Variants in CSMD1 observed in about 807,000 individuals in gnomAD.
CSMD1 encodes the protein CUB and sushi domain-containing protein 1.
In CSMD1, 213 loss-of-function variants were observed where a neutral mutation model predicts 417.5. The ratio of observed to expected loss-of-function variants is 0.51; its 90% CI spans 0.46 to 0.57. The LOEUF is 0.57. CSMD1 is among the 20% of genes least tolerant of loss of function. CSMD1 has a pLI of 0.00. For synonymous variants in CSMD1, 2,862 were observed against 1,736.8 expected, an observed-to-expected ratio of 1.65 and a Z score of -16.11; for missense variants, 6,923 against 4,529.7, an observed-to-expected ratio of 1.53 and a Z score of -15.17.
chr8:4,299,997 G>C (rs1318133384), intron 3 of CSMD1, among the ~76,000 whole-genome samples: 2 of 152,132 alleles, frequency 1.3e-5, no homozygotes, highest in Non-Finnish European at 2.9e-5. Context: ...GTCCTTTGTA[G>C]AAAGCATAAA....
chr8:4,329,850 A>ACACACG (rs1491396330), intron 3 of CSMD1, among the ~76,000 whole-genome samples: 2 of 1,730 alleles, frequency 1.2e-3, no homozygotes, highest in Non-Finnish European at 3.9e-3. Context: ...CACCCTGCTT[A>ACACACG]CACACACACA....
chr8:3,179,147 G>GT (rs1241405749), intron 37 of CSMD1, among the ~76,000 whole-genome samples: 1 of 151,038 alleles, frequency 6.6e-6, no homozygotes, highest in Non-Finnish European at 1.5e-5. Flanking sequence ...GGGTTTCAAC[G>GT]TGTTAGCCAG....
At chr8:4,668,745 C>G (rs1454835490) in intron 1 of CSMD1, among the ~76,000 whole-genome samples, 1 of 152,144 alleles carries the variant, frequency 6.6e-6, no homozygotes, top group Non-Finnish European at 1.5e-5. Context: ...TACAACCTCT[C>G]TCTAGATAGT....
chr8:4,595,048 C>T (rs1457233027), intron 2 of CSMD1, among the ~76,000 whole-genome samples: 2 of 152,090 alleles, frequency 1.3e-5, no homozygotes, highest in Non-Finnish European at 2.9e-5. Context: ...CACTAACAAA[C>T]CTTAGAGGTG....
At chr8:3,134,722 G>C (rs1207106751) in intron 41 of CSMD1, among the ~76,000 whole-genome samples, 2 of 152,028 alleles carry the variant, frequency 1.3e-5, no homozygotes, top group Admixed American at 1.3e-4. Context: ...CAATAGCTTG[G>C]CTGACACTAC....
intron 4 of CSMD1, among the ~76,000 whole-genome samples, chr8:4,027,735 G>C (rs531380676): frequency 3.3e-5 from 5 of 152,140 alleles, no homozygotes; most frequent in Non-Finnish European, 7.3e-5. Context: ...CAAACTTGAA[G>C]CCAGTCTGTT....
intron 3 of CSMD1, among the ~76,000 whole-genome samples, chr8:4,056,632 C>T (rs1053605072): frequency 5.9e-5 from 9 of 151,738 alleles, no homozygotes; most frequent in Admixed American, 4.6e-4. Flanking sequence ...GGTCCTGCAC[C>T]CATTAACTCA....
chr8:3,391,767 C>T (rs189696232), intron 17 of CSMD1, among the ~76,000 whole-genome samples: 3 of 152,278 alleles, frequency 2.0e-5, no homozygotes, highest in Admixed American at 2.0e-4. Context: ...GTACCTGTGG[C>T]TGTGATTTCT....
At chr8:3,784,328 T>C (rs1375660694) in intron 5 of CSMD1, among the ~76,000 whole-genome samples, 1 of 152,198 alleles carries the variant, frequency 6.6e-6, no homozygotes, top group Non-Finnish European at 1.5e-5. Flanking sequence ...ATCTCACTTC[T>C]AAAATTAAAA....
At chr8:4,367,450 T>C (rs1046447568) in intron 3 of CSMD1, among the ~76,000 whole-genome samples, 1 of 152,214 alleles carries the variant, frequency 6.6e-6, no homozygotes, top group African/African-American at 2.4e-5. Context: ...CATGATGTTT[T>C]GATTAATGTA....
At chr8:3,496,933 T>G (rs981640537) in intron 10 of CSMD1, among the ~76,000 whole-genome samples, 1 of 152,254 alleles carries the variant, frequency 6.6e-6, no homozygotes, top group South Asian at 2.1e-4. Context: ...TTAATTTCCA[T>G]GTATTCGTAC....
At chr8:3,344,504 C>A (rs1483318540) in intron 22 of CSMD1, among the ~76,000 whole-genome samples, 1 of 152,156 alleles carries the variant, frequency 6.6e-6, no homozygotes, top group Non-Finnish European at 1.5e-5. Flanking sequence ...GTCCTCGCTC[C>A]CAATAACAAC....
chr8:3,726,883 TA>T, intron 6 of CSMD1, among the ~76,000 whole-genome samples: 1 of 152,166 alleles, frequency 6.6e-6, no homozygotes, highest in Non-Finnish European at 1.5e-5. Flanking sequence ...CCTGTCCCGT[TA>T]AAAAACATGA....
At chr8:4,383,530 G>A (rs879379176) in intron 3 of CSMD1, among the ~76,000 whole-genome samples, 2 of 152,128 alleles carry the variant, frequency 1.3e-5, no homozygotes, top group Non-Finnish European at 2.9e-5. Flanking sequence ...GGCTATTGCA[G>A]ACAGGTTGTG....
chr8:3,631,701 G>C (rs1473432247), intron 7 of CSMD1, among the ~76,000 whole-genome samples: 1 of 152,200 alleles, frequency 6.6e-6, no homozygotes, highest in Non-Finnish European at 1.5e-5. Context: ...ACGGAGGGAA[G>C]AAATTTTACT....
At chr8:3,234,261 A>C (rs1216796986) in intron 26 of CSMD1, among the ~76,000 whole-genome samples, 1 of 152,132 alleles carries the variant, frequency 6.6e-6, no homozygotes, top group African/African-American at 2.4e-5. Flanking sequence ...CAATGACACA[A>C]TTTGAAAATC....
intron 1 of CSMD1, among the ~76,000 whole-genome samples, chr8:4,809,661 G>T (rs933644824): frequency 2.0e-5 from 3 of 152,092 alleles, no homozygotes; most frequent in African/African-American, 4.8e-5. Context: ...TTTTCTAGGG[G>T]CCATATTTAA....
intron 20 of CSMD1, among the ~76,000 whole-genome samples, chr8:3,361,385 T>G (rs1388947519): frequency 6.6e-6 from 1 of 151,940 alleles, no homozygotes; most frequent in Non-Finnish European, 1.5e-5. Flanking sequence ...TCTCAGCACT[T>G]TGGGAGGCAG....
intron 5 of CSMD1, among the ~76,000 whole-genome samples, chr8:3,762,221 C>T (rs1197461196): frequency 2.6e-5 from 4 of 152,126 alleles, no homozygotes; most frequent in Non-Finnish European, 5.9e-5. Flanking sequence ...CATGTGCCCT[C>T]CTGACTCAGA....
Sources: allele counts gnomAD v4.1 joint callset (sites outside exome capture counted in the v4.1 genomes callset), GRCh38; gene constraint gnomAD v4.1.1; transcripts MANE v1.5; gene names NCBI Gene and HGNC (gene_info 2026-07-23, HGNC 2026-07-21).